Variants in EML6 observed in about 807,000 individuals in gnomAD.
EML6 encodes the protein EMAP like 6, also known as echinoderm microtubule-associated protein-like 6.
In EML6, 154 loss-of-function variants were observed where a neutral mutation model predicts 240.1. The ratio of observed to expected loss-of-function variants is 0.64; its 90% CI spans 0.56 to 0.73. The LOEUF is 0.73. Ranked by LOEUF, EML6 falls within the 30% of genes least tolerant of loss-of-function variation. The probability of loss-of-function intolerance (pLI) is 0.00; values close to 1 mark genes in which losing one functional copy is unlikely to be tolerated. For synonymous variants in EML6, 1,148 were observed against 899.0 expected, an observed-to-expected ratio of 1.28 and a Z score of -4.95; for missense variants, 2,964 against 2,474.6, an observed-to-expected ratio of 1.20 and a Z score of -4.20.
chr2:54,769,787 T>G (rs1668333418), intron 2 of EML6, among the ~76,000 whole-genome samples: 1 of 152,184 alleles, frequency 6.6e-6, no homozygotes, highest in Non-Finnish European at 1.5e-5. Flanking sequence ...TGTGATACAG[T>G]GTTGTTAACT....
At chr2:54,903,524 A>C in intron 24 of EML6, 22 bp downstream of exon 24, 2 of 1,531,064 alleles carry the variant, frequency 1.3e-6, no homozygotes, top group Non-Finnish European at 1.8e-6. Flanking sequence ...TGTGGCTTTT[A>C]AAATAGAATT....
intron 35 of EML6, among the ~76,000 whole-genome samples, chr2:54,961,712 C>T (rs1394531929): frequency 6.6e-6 from 1 of 151,580 alleles, no homozygotes; most frequent in Non-Finnish European, 1.5e-5. Context: ...TTGTTAAAAA[C>T]AAAACACTGG....
intron 19 of EML6, 45 bp downstream of exon 19, chr2:54,892,701 A>C (rs1398473208): frequency 1.4e-6 from 2 of 1,475,114 alleles, no homozygotes; most frequent in Admixed American, 2.1e-5. Flanking sequence ...CAGCCTTCTA[A>C]AATTATAAGG....
In EML6 at chr2:54,850,010, T is replaced by C; in HGVS notation, c.1236T>C (p.His412=). The change falls in exon 10 of 42, where the codon CAT becomes CAC. Residue 412 remains histidine, a synonymous_variant. Transcript: ENST00000356458. ...TCAAAGATCGAAAAGAAGTCATTCA[T>C]GAAATGAAATTTTCTCCAGATGGTT... ...VHIKDRKEVI[H]EMKFSPDGSY... is the part of the protein sequence containing the mutation. The C allele has an allele frequency of 6.4e-7, 1 of 1,551,618 alleles. No homozygotes were observed. The highest frequency in any genetic ancestry group is 1.7e-4 in the Middle Eastern group (1 of 5,992).
chr2:54,937,356 A>G (rs1339471324), intron 28 of EML6, among the ~76,000 whole-genome samples: 3 of 151,880 alleles, frequency 2.0e-5, no homozygotes, highest in African/African-American at 7.3e-5. Flanking sequence ...AAGCCGAGGC[A>G]GGAGGATGGC....
chr2:54,747,735 A>T (rs534221214), intron 2 of EML6, among the ~76,000 whole-genome samples: 7 of 152,304 alleles, frequency 4.6e-5, no homozygotes, highest in Non-Finnish European at 8.8e-5. Context: ...TTACTGTACT[A>T]ATTAGCATGA....
intron 12 of EML6, among the ~76,000 whole-genome samples, chr2:54,862,521 C>A (rs745819531): frequency 8.6e-5 from 13 of 151,736 alleles, no homozygotes; most frequent in Admixed American, 6.6e-4. Flanking sequence ...GTAAAGATAG[C>A]TTAGAGACTT....
intron 24 of EML6, among the ~76,000 whole-genome samples, chr2:54,903,892 C>T (rs558727700): frequency 5.3e-5 from 8 of 152,248 alleles, no homozygotes; most frequent in Admixed American, 2.0e-4. Flanking sequence ...CTTGGAGAAC[C>T]GCCCAAAAAG....
At chr2:54,838,937 C>T (rs534423362) in intron 7 of EML6, among the ~76,000 whole-genome samples, 2 of 152,334 alleles carry the variant, frequency 1.3e-5, no homozygotes, top group African/African-American at 4.8e-5. Flanking sequence ...ATGGTTTCTC[C>T]TGTTTCTCTT....
chr2:54,891,586 G>A (rs936881719), intron 18 of EML6, among the ~76,000 whole-genome samples: 1 of 152,132 alleles, frequency 6.6e-6, no homozygotes, highest in African/African-American at 2.4e-5. Context: ...ATAAATATTG[G>A]TGGATTTAAT....
intron 2 of EML6, among the ~76,000 whole-genome samples, chr2:54,789,333 G>GA (rs1669270912): frequency 1.3e-5 from 2 of 151,636 alleles, no homozygotes; most frequent in South Asian, 4.2e-4. Flanking sequence ...CTAACACGGT[G>GA]AAACCCCGTC....
intron 2 of EML6, among the ~76,000 whole-genome samples, chr2:54,796,720 C>G (rs1382566311): frequency 6.6e-6 from 1 of 152,056 alleles, no homozygotes; most frequent in Non-Finnish European, 1.5e-5. Flanking sequence ...TTATGGGGAT[C>G]TACAAAGCGC....
At chr2:54,773,719 C>A (rs1668489017) in intron 2 of EML6, among the ~76,000 whole-genome samples, 1 of 152,200 alleles carries the variant, frequency 6.6e-6, no homozygotes, top group East Asian at 1.9e-4. Flanking sequence ...CTGGGAACTT[C>A]TTTCTTGCAG....
At chr2:54,874,633 A>AT (rs1671413903) in intron 16 of EML6, among the ~76,000 whole-genome samples, 1 of 152,192 alleles carries the variant, frequency 6.6e-6, no homozygotes, top group South Asian at 2.1e-4. Context: ...ACTAAGGACT[A>AT]TTGTGGAAAA....
intron 12 of EML6, among the ~76,000 whole-genome samples, chr2:54,860,372 G>A (rs937479748): frequency 6.6e-6 from 1 of 152,186 alleles, no homozygotes; most frequent in Non-Finnish European, 1.5e-5. Flanking sequence ...CCCTGGAGCA[G>A]TTCTGAGAAG....
chr2:54,833,268 A>G (rs548741256), intron 7 of EML6, among the ~76,000 whole-genome samples: 28 of 152,246 alleles, frequency 1.8e-4, no homozygotes, highest in Non-Finnish European at 2.9e-4. Context: ...GTAGACATCT[A>G]TAAGATTTAC....
chr2:54,904,247 G>A (rs1459650476), intron 24 of EML6, among the ~76,000 whole-genome samples: 1 of 152,142 alleles, frequency 6.6e-6, no homozygotes, highest in Non-Finnish European at 1.5e-5. Context: ...CAGGGACTCC[G>A]AATGGGCCAC....
rs1234350110 is a variant in EML6, at chr2:54,903,259, G to C, written c.3277+63G>C. ...TCTTGGGACAAAAAATTACAAGAAT[G>C]AACTATTTCAAATGTTTCTTTGACC... On this transcript the variant is annotated intron_variant, in intron 23 of 41. Transcript: ENST00000356458. 22 of 1,524,544 alleles carry C rather than the reference G, an allele frequency of 1.4e-5. No homozygotes were observed. In the Admixed American group the frequency reaches 2.1e-4, roughly 14 times the overall value. 94.4% of individuals were successfully genotyped at this position (1,524,544 alleles called of 1,614,324 possible). A position where few individuals can be genotyped will look rare whatever the true frequency, so the allele number is the denominator to read the frequency against.
intron 2 of EML6, among the ~76,000 whole-genome samples, chr2:54,779,084 G>C (rs1486605670): frequency 1.3e-5 from 2 of 152,156 alleles, no homozygotes; most frequent in African/African-American, 4.8e-5. Context: ...TGAAATCCAA[G>C]ATGGTATTTT....
Sources: allele counts gnomAD v4.1 joint callset (sites outside exome capture counted in the v4.1 genomes callset), GRCh38; gene constraint gnomAD v4.1.1; transcripts MANE v1.5; gene names NCBI Gene and HGNC (gene_info 2026-07-23, HGNC 2026-07-21).